Variants in NXPH1 observed in about 807,000 individuals in gnomAD.
NXPH1 encodes the protein neurexophilin-1.
Under a neutral mutation model 23.7 loss-of-function variants are expected in NXPH1, and 5 were observed. The ratio of observed to expected loss-of-function variants is 0.21; its 90% CI spans 0.11 to 0.44. The LOEUF (loss-of-function observed/expected upper bound fraction) is 0.44. NXPH1 is among the 20% of genes least tolerant of loss of function. The pLI is 0.99. For missense variants in NXPH1, 324 were observed against 321.6 expected (o/e 1.01, Z -0.06); for synonymous variants, 144 against 122.2 (o/e 1.18, Z -1.18).
At chr7:8,736,597 T>C (rs923655608) in intron 2 of NXPH1, among the ~76,000 whole-genome samples, 1 of 152,236 alleles carries the variant, frequency 6.6e-6, no homozygotes, top group African/African-American at 2.4e-5. Context: ...GACAAGAATG[T>C]ATATTCTGTT....
chr7:8,704,061 A>C (rs1037098419), intron 2 of NXPH1, among the ~76,000 whole-genome samples: 1 of 152,160 alleles, frequency 6.6e-6, no homozygotes, highest in Non-Finnish European at 1.5e-5. Flanking sequence ...TAGACTAAGG[A>C]GGAGATATGT....
Position 8,436,450 on chromosome 7 carries a change from G to T in NXPH1, c.54+683G>T, listed in dbSNP as rs138281311. 2.9e-3 allele frequency among the ~76,000 whole-genome samples: 439 copies of T among 152,304 alleles called. 3 individuals carry two copies. Among genetic ancestry groups the T allele is most frequent in the African/African-American group, 0.01 (419 of 41,550 alleles). ...ATGGTAGGCCTTGTCGCCAGGGAGA[G>T]AATTCTAAACAAAGCCGCGGTCCTT... On this transcript the variant is annotated intron_variant, in intron 2 of 2. Transcript: ENST00000405863.
At chr7:8,615,321 T>C (rs1819711923) in intron 2 of NXPH1, among the ~76,000 whole-genome samples, 1 of 152,080 alleles carries the variant, frequency 6.6e-6, no homozygotes, top group Non-Finnish European at 1.5e-5. Context: ...CTGTAGCTTA[T>C]TGGCTATGTA....
At chr7:8,491,725 G>C (rs1218947740) in intron 2 of NXPH1, among the ~76,000 whole-genome samples, 1 of 152,036 alleles carries the variant, frequency 6.6e-6, no homozygotes, top group East Asian at 1.9e-4. Flanking sequence ...GATTCTCACA[G>C]TACTTTTCAA....
chr7:8,599,904 A>G (rs150879854), intron 2 of NXPH1, among the ~76,000 whole-genome samples: 2 of 150,996 alleles, frequency 1.3e-5, no homozygotes, highest in Non-Finnish European at 2.9e-5. Context: ...TCTTTCAGTC[A>G]TATTACGATA....
At chr7:8,459,987 T>G (rs1378641599) in intron 2 of NXPH1, among the ~76,000 whole-genome samples, 2 of 152,224 alleles carry the variant, frequency 1.3e-5, no homozygotes, top group Non-Finnish European at 2.9e-5. Flanking sequence ...AATAAGTGAC[T>G]TTCTGTAGGA....
intron 2 of NXPH1, among the ~76,000 whole-genome samples, chr7:8,454,796 G>A (rs553716022): frequency 6.6e-6 from 1 of 152,038 alleles, no homozygotes; most frequent in Non-Finnish European, 1.5e-5. Flanking sequence ...CGTACCTATT[G>A]GGCAATATGA....
chr7:8,552,593 T>C (rs1376790835), intron 2 of NXPH1, among the ~76,000 whole-genome samples: 1 of 151,536 alleles, frequency 6.6e-6, no homozygotes, highest in Non-Finnish European at 1.5e-5. Flanking sequence ...TGTAGAGTTA[T>C]GATTTCTTGA....
At chr7:8,579,020 A>G (rs908019893) in intron 2 of NXPH1, among the ~76,000 whole-genome samples, 1 of 152,232 alleles carries the variant, frequency 6.6e-6, no homozygotes, top group African/African-American at 2.4e-5. Context: ...AGATGATGCT[A>G]GAGAAGCAGG....
chr7:8,444,326 G>A (rs1816359788), intron 2 of NXPH1, among the ~76,000 whole-genome samples: 1 of 152,192 alleles, frequency 6.6e-6, no homozygotes, highest in Non-Finnish European at 1.5e-5. Context: ...GTGAGGAAGA[G>A]AAGGTTTAGG....
chr7:8,453,506 C>T lies in NXPH1; in HGVS notation c.54+17739C>T, dbSNP rs1380325805. ...AACTTAGTATATGAACAAATACGCT[C>T]TTACTCATGAGTTGTAAAGAACCAT... On this transcript the variant is annotated intron_variant, in intron 2 of 2. Coordinates refer to ENST00000405863, the MANE Select transcript of NXPH1 (RefSeq NM_152745.3). Among the ~76,000 whole-genome samples the T allele has an allele frequency of 5.9e-5, 9 of 152,098 alleles. No individual in the cohort carries two copies. The East Asian group carries it at 1.7e-3, about 29-fold the overall frequency.
chr7:8,598,362 A>G (rs1301473572), intron 2 of NXPH1, among the ~76,000 whole-genome samples: 2 of 152,222 alleles, frequency 1.3e-5, no homozygotes, highest in East Asian at 3.9e-4. Flanking sequence ...TAAGTTGTTA[A>G]TGAATAGCTT....
chr7:8,599,858 C>G (rs1386913536), intron 2 of NXPH1, among the ~76,000 whole-genome samples: 1 of 149,964 alleles, frequency 6.7e-6, no homozygotes, highest in Admixed American at 6.6e-5. Flanking sequence ...AGTTTAGTAG[C>G]AAATATAATT....
chr7:8,483,398 T>G (rs1408451903), intron 2 of NXPH1, among the ~76,000 whole-genome samples: 4 of 152,120 alleles, frequency 2.6e-5, no homozygotes, highest in African/African-American at 9.7e-5. Flanking sequence ...TGGTGTGATC[T>G]TGGCTCACTG....
intron 2 of NXPH1, among the ~76,000 whole-genome samples, chr7:8,710,640 GTTTTTT>G (rs796254078): frequency 0.05 from 1,366 of 27,594 alleles, 298 homozygotes; most frequent in African/African-American, 0.16. Context: ...CAACTGTTAC[GTTTTTT>G]GTTTTTTTTT....
chr7:8,450,184 G>A (rs980733609), intron 2 of NXPH1, among the ~76,000 whole-genome samples: 2 of 152,166 alleles, frequency 1.3e-5, no homozygotes, highest in East Asian at 3.8e-4. Context: ...AGCAGGAGGT[G>A]GGGAGAGAAG....
At chr7:8,701,355 C>A (rs1779620372) in intron 2 of NXPH1, among the ~76,000 whole-genome samples, 1 of 152,004 alleles carries the variant, frequency 6.6e-6, no homozygotes, top group Non-Finnish European at 1.5e-5. Context: ...GTAACAAATT[C>A]TTTCATTCAT....
Position 8,442,877 on chromosome 7 carries a change from C to T in NXPH1, c.54+7110C>T, listed in dbSNP as rs1258972626. ...GCTTCGGTGCTTTTGGGACAGCGGG[C>T]TGGATAGCGGCAGTTCTCGGGAGAA... On this transcript the variant is annotated intron_variant, in intron 2 of 2. Transcript: ENST00000405863. The surrounding 1 kb of genome is among the most constrained non-coding windows in gnomAD (Gnocchi z 4.6). Among the ~76,000 whole-genome samples, 1 of 152,224 alleles carries T rather than the reference C, an allele frequency of 6.6e-6. No individual in the cohort carries two copies. The highest frequency in any genetic ancestry group is 1.5e-5 in the Non-Finnish European group (1 of 68,032).
chr7:8,684,599 A>C (rs1821116881), intron 2 of NXPH1, among the ~76,000 whole-genome samples: 11 of 152,276 alleles, frequency 7.2e-5, no homozygotes. Flanking sequence ...AATCTGGCAC[A>C]CTTACAGAAC....
Sources: allele counts gnomAD v4.1 joint callset (sites outside exome capture counted in the v4.1 genomes callset), GRCh38; gene constraint gnomAD v4.1.1; non-coding constraint Gnocchi (gnomAD v3.1); transcripts MANE v1.5; gene names NCBI Gene and HGNC (gene_info 2026-07-23, HGNC 2026-07-21).